Variants in SPG11 observed in about 807,000 individuals in gnomAD.
SPG11 encodes SPG11 vesicle trafficking associated, spatacsin, also known as spatacsin.
Under a neutral mutation model 274.0 loss-of-function variants are expected in SPG11, and 222 were observed. The observed-to-expected ratio is 0.81, with a 90% CI of 0.73 to 0.91. SPG11 has a LOEUF of 0.91. Among genes scored for constraint, SPG11 ranks in the 40% least tolerant of loss-of-function variants. The pLI is 0.00. For missense variants in SPG11, 3,114 were observed against 2,872.7 expected (o/e 1.08, Z -1.92); for synonymous variants, 1,144 against 1,039.7 (o/e 1.10, Z -1.93).
chr15:44,575,446 T>C (rs928111548), intron 30 of SPG11, among the ~76,000 whole-genome samples: 1 of 151,950 alleles, frequency 6.6e-6, no homozygotes, highest in Non-Finnish European at 1.5e-5. Context: ...GGAGCTGTTA[T>C]CTGTCTCCTG....
chr15:44,622,830 T>C lies in SPG11; in HGVS notation c.2245-31A>G, dbSNP rs375457450. The C allele has an allele frequency of 1.2e-5, 18 of 1,519,180 alleles. 1 individual carries two copies. The highest frequency in any genetic ancestry group is 2.3e-5 in the East Asian group (1 of 44,324). The allele number at this position is 1,519,180 out of a possible 1,614,324, so 94.1% of individuals were successfully genotyped here. ...ATAAACATAGAAAACCAAAAAAAGT[T>C]ACATTTTGTAATGGAACTATTTTGA... On this transcript the variant is annotated intron_variant, in intron 11 of 39. Coordinates refer to ENST00000261866, the MANE Select transcript of SPG11 (RefSeq NM_025137.4).
Position 44,595,368 on chromosome 15 carries a change from GA to G in SPG11, c.4525del (p.Ser1509GlnfsTer20). 1 of 1,614,162 alleles carries G rather than the reference GA, an allele frequency of 6.2e-7. No homozygotes were observed. The highest frequency in any genetic ancestry group is 8.5e-7 in the Non-Finnish European group (1 of 1,180,026). ...AAGGTTCCAGGTATGGTCCTCTGTT[GA>G]GTCCTGAATGTGTCCCATTGCTTCA... Reference protein sequence around the residue: ...ATEAMGHIQDSTEDHTWNLED... With the variant: ...ATEAMGHIQDXTEDHTWNLED... On this transcript the variant is annotated frameshift_variant, in exon 26 of 40. Transcript: ENST00000261866. LOFTEE classifies it high-confidence loss of function.
intron 7 of SPG11, among the ~76,000 whole-genome samples, chr15:44,639,306 C>CAG (rs1832345439): frequency 2.7e-5 from 4 of 149,602 alleles, no homozygotes; most frequent in Admixed American, 2.7e-4. Context: ...CACACACACA[C>CAG]AGAGATGGAG....
chr15:44,592,549 TG>T (rs2082929508), intron 26 of SPG11, 111 bp from the exon 27 acceptor site: 3 of 738,988 alleles, frequency 4.1e-6, no homozygotes, highest in Non-Finnish European at 7.1e-6. Context: ...CAGGGCACAG[TG>T]GCTCATGCCT....
At chr15:44,661,863 T>C (rs2085117944) in intron 1 of SPG11, among the ~76,000 whole-genome samples, 1 of 152,198 alleles carries the variant, frequency 6.6e-6, no homozygotes, top group African/African-American at 2.4e-5. Context: ...CTAAATACTA[T>C]AAACATGCCC....
intron 7 of SPG11, 93 bp from the exon 8 acceptor site, chr15:44,633,730 G>A (rs2084152906): frequency 7.3e-7 from 1 of 1,361,668 alleles, no homozygotes; most frequent in African/African-American, 1.4e-5. Context: ...AGAATTTAAT[G>A]TGGTGAGACT....
chr15:44,649,094 A>G (rs2084688595), intron 6 of SPG11, 83 bp from the exon 7 acceptor site: 8 of 985,172 alleles, frequency 8.1e-6, no homozygotes, highest in Admixed American at 1.9e-5. Flanking sequence ...TAATTACTCA[A>G]TACTTCAGTA....
chr15:44,644,115 C>T (rs1265698641), intron 7 of SPG11, among the ~76,000 whole-genome samples: 5 of 150,022 alleles, frequency 3.3e-5, no homozygotes, highest in African/African-American at 1.2e-4. Flanking sequence ...TGCAGTGAGC[C>T]GAGATCGCGC....
chr15:44,631,848 G>A (rs900695812), intron 8 of SPG11, among the ~76,000 whole-genome samples: 1 of 117,216 alleles, frequency 8.5e-6, no homozygotes, highest in Non-Finnish European at 1.6e-5. Context: ...TCACTCTGTT[G>A]CCCAGATTGG....
chr15:44,630,227 C>T (rs1268561681), intron 8 of SPG11, among the ~76,000 whole-genome samples: 3 of 152,186 alleles, frequency 2.0e-5, no homozygotes, highest in African/African-American at 7.2e-5. Context: ...TCTCAGCACT[C>T]CTCCCGCTGC....
intron 1 of SPG11, 40 bp downstream of exon 1, chr15:44,663,351 C>A: frequency 6.3e-7 from 1 of 1,591,920 alleles, no homozygotes; most frequent in South Asian, 1.1e-5. Context: ...AGCCTAGGCT[C>A]TGGACTCCCC....
At chr15:44,570,767 A>C (rs111437488) in intron 33 of SPG11, 109 bp from the exon 34 acceptor site, 27 of 1,443,484 alleles carry the variant, frequency 1.9e-5, no homozygotes, top group African/African-American at 1.8e-4. Flanking sequence ...GCCTGTCTGG[A>C]GAGGGCCGTC....
chr15:44,653,917 C>G (rs1186130827), intron 4 of SPG11, among the ~76,000 whole-genome samples: 2 of 152,002 alleles, frequency 1.3e-5, no homozygotes, highest in Non-Finnish European at 2.9e-5. Context: ...TAAAGATTTG[C>G]AACAATTTGT....
At position 44,622,717 on chromosome 15, in the gene SPG11, C is replaced by T; in HGVS notation, c.2316+11G>A. 1 of 1,604,674 alleles carries T rather than the reference C, an allele frequency of 6.2e-7. No individual in the cohort carries two copies. The highest frequency in any genetic ancestry group is 8.5e-7 in the Non-Finnish European group (1 of 1,171,586). On this transcript the variant is annotated intron_variant, in intron 12 of 39. Transcript: ENST00000261866. ...AGAAAATGTATACTATGTAGTCTCA[C>T]CTTTACCTACCAAAAAGTCACGTAT...
intron 7 of SPG11, among the ~76,000 whole-genome samples, chr15:44,639,002 A>T (rs1040501971): frequency 1.3e-5 from 2 of 152,018 alleles, no homozygotes; most frequent in Admixed American, 6.6e-5. Context: ...TCCAAAAAAA[A>T]AATAATAATA....
chr15:44,566,643 A>C (rs1369387225), intron 36 of SPG11, among the ~76,000 whole-genome samples: 1 of 152,140 alleles, frequency 6.6e-6, no homozygotes, highest in South Asian at 2.1e-4. Flanking sequence ...ACATGCCTTC[A>C]AAGTCTCCAT....
intron 3 of SPG11, among the ~76,000 whole-genome samples, chr15:44,657,975 C>T (rs561536383): frequency 4.6e-5 from 7 of 152,112 alleles, no homozygotes; most frequent in African/African-American, 7.2e-5. Context: ...TGCAGTGAGC[C>T]GAGATCACGC....
Position 44,589,264 on chromosome 15 carries a change from GA to G in SPG11, c.4893del (p.Leu1632SerfsTer8). 6.2e-7 allele frequency: 1 copy of G among 1,613,950 alleles called. No homozygotes were observed. The highest frequency in any genetic ancestry group is 8.5e-7 in the Non-Finnish European group (1 of 1,179,974). On this transcript the variant is annotated frameshift_variant, in exon 28 of 40. Coordinates refer to ENST00000261866, the MANE Select transcript of SPG11 (RefSeq NM_025137.4). LOFTEE classifies it high-confidence loss of function. ...AGGATTGTCTTACCATCAGAGAAGA[GA>G]TGCTCTCTTTCAACAAAGAGCTGTA... Reference protein sequence around the residue: ...KLLQLFVEREHLFSDGPDVKK... With the variant: ...KLLQLFVEREXLFSDGPDVKK...
intron 7 of SPG11, among the ~76,000 whole-genome samples, chr15:44,636,947 A>C (rs1186632622): frequency 1.0e-3 from 133 of 131,098 alleles, no homozygotes; most frequent in East Asian, 3.2e-3. Flanking sequence ...AAAAAAAAAA[A>C]AAAAAAAAAA....
Sources: gnomAD v4.1 joint callset for allele counts (sites outside exome capture counted in the v4.1 genomes callset) on GRCh38, gnomAD v4.1.1 for gene constraint, MANE v1.5 for transcripts, NCBI Gene and HGNC (gene_info 2026-07-23, HGNC 2026-07-21) for gene names.